Variants in TBC1D9 observed in about 807,000 individuals in gnomAD.
TBC1D9 encodes TBC1 domain family member 9A.
A neutral mutation model predicts 132.0 loss-of-function variants in TBC1D9; 63 were observed. That is an observed-to-expected ratio of 0.48 (90% confidence interval 0.39 to 0.59). TBC1D9 has a LOEUF of 0.59. Among genes scored for constraint, TBC1D9 ranks in the 20% least tolerant of loss-of-function variants. The probability of loss-of-function intolerance (pLI) is 0.00; values close to 1 mark genes in which losing one functional copy is unlikely to be tolerated. For synonymous variants in TBC1D9, 610 were observed against 609.9 expected, an observed-to-expected ratio of 1.00 and a Z score of 0.00; for missense variants, 1,261 against 1,592.7, an observed-to-expected ratio of 0.79 and a Z score of 3.54.
chr4:140,641,105 C>CAAAAAAAAAAAAAAAAAA (rs1038335139), intron 13 of TBC1D9, among the ~76,000 whole-genome samples: 5 of 59,780 alleles, frequency 8.4e-5, no homozygotes, highest in Non-Finnish European at 1.2e-4. Context: ...AAAAAAAAAA[C>CAAAAAAAAAAAAAAAAAA]AAAAAAAAAC....
intron 1 of TBC1D9, among the ~76,000 whole-genome samples, chr4:140,715,041 G>A (rs1279294415): frequency 6.6e-6 from 1 of 152,138 alleles, no homozygotes; most frequent in African/African-American, 2.4e-5. Flanking sequence ...AGGATTTTTT[G>A]AGGCCAGGAG....
At chr4:140,691,939 T>C (rs1268077573) in intron 2 of TBC1D9, among the ~76,000 whole-genome samples, 1 of 152,222 alleles carries the variant, frequency 6.6e-6, no homozygotes, top group Non-Finnish European at 1.5e-5. Flanking sequence ...CTATCACTTC[T>C]GGCCTCTGAG....
At position 140,690,474 on chromosome 4, in the gene TBC1D9, CT is replaced by C. The variant is rs1223912184; in HGVS notation, c.242-4013del. On this transcript the variant is annotated intron_variant, in intron 2 of 20. Transcript: ENST00000442267. ...AGCACTAGCCCCAAACCTATTGCTTCTGCTTGTGCTGTTTTTGTTCTGTCCT... is the reference window on the plus strand; with the variant it reads ...AGCACTAGCCCCAAACCTATTGCTTCGCTTGTGCTGTTTTTGTTCTGTCCT... Among the ~76,000 whole-genome samples the C allele has an allele frequency of 7.9e-5, 12 of 152,222 alleles. No individual in the cohort carries two copies. The East Asian group carries it at 2.1e-3, about 27-fold the overall frequency.
intron 1 of TBC1D9, among the ~76,000 whole-genome samples, chr4:140,709,302 T>C (rs899720340): frequency 4.8e-5 from 7 of 146,146 alleles, no homozygotes; most frequent in Middle Eastern, 6.9e-3. Context: ...CAATTCATCA[T>C]TGTTCGTCAA....
chr4:140,719,968 T>C (rs1466672769), intron 1 of TBC1D9, among the ~76,000 whole-genome samples: 1 of 152,198 alleles, frequency 6.6e-6, no homozygotes, highest in African/African-American at 2.4e-5. Context: ...GCAAGCTATA[T>C]AACTGATAAA....
chr4:140,638,821 A>G (rs1025972059), intron 15 of TBC1D9, among the ~76,000 whole-genome samples: 4 of 152,210 alleles, frequency 2.6e-5, no homozygotes, highest in South Asian at 2.1e-4. Context: ...ATTGTTTTTA[A>G]TAAGTATTAT....
At chr4:140,655,751 G>A (rs1263784816) in intron 13 of TBC1D9, among the ~76,000 whole-genome samples, 2 of 152,078 alleles carry the variant, frequency 1.3e-5, no homozygotes, top group Non-Finnish European at 2.9e-5. Flanking sequence ...GGACAAGAAA[G>A]CATCCTCCCC....
In TBC1D9 at chr4:140,644,374, G is replaced by A. The variant is rs957524980; in HGVS notation, c.2338-4946C>T. On this transcript the variant is annotated intron_variant, in intron 13 of 20. Coordinates refer to ENST00000442267, the MANE Select transcript of TBC1D9 (RefSeq NM_015130.3). ...GGGGTAGCAGGGTAGGTGTAGGCAG[G>A]CGCCTTGGACACGTCCTCCAGCGGC... is the stretch of plus-strand genomic sequence containing the variant. 1.4e-5 allele frequency: 4 copies of A among 282,350 alleles called. 1 individual carries two copies. In the South Asian group the frequency reaches 1.5e-4, roughly 10 times the overall value. The allele number at this position is 282,350 out of a possible 1,614,324, so 17.5% of individuals were successfully genotyped here.
chr4:140,655,762 C>A (rs545655325), intron 13 of TBC1D9, among the ~76,000 whole-genome samples: 47 of 152,270 alleles, frequency 3.1e-4, no homozygotes, highest in African/African-American at 1.0e-3. Flanking sequence ...CATCCTCCCC[C>A]ATCCAAGCCA....
intron 1 of TBC1D9, among the ~76,000 whole-genome samples, chr4:140,708,269 G>A (rs1738177964): frequency 6.6e-6 from 1 of 152,128 alleles, no homozygotes; most frequent in African/African-American, 2.4e-5. Context: ...GACTTGAGAA[G>A]GCAGCTAAAA....
chr4:140,654,608 C>T (rs1298091785), intron 13 of TBC1D9, among the ~76,000 whole-genome samples: 1 of 152,126 alleles, frequency 6.6e-6, no homozygotes, highest in Non-Finnish European at 1.5e-5. Flanking sequence ...AGAAAAGCAA[C>T]CCACAGATAG....
chr4:140,698,556 T>G (rs558304786), intron 2 of TBC1D9, among the ~76,000 whole-genome samples: 1 of 152,256 alleles, frequency 6.6e-6, no homozygotes, highest in Admixed American at 6.5e-5. Flanking sequence ...GAGACCAGCC[T>G]GACCAACATG....
intron 13 of TBC1D9, among the ~76,000 whole-genome samples, chr4:140,649,284 G>A (rs1475215087): frequency 1.3e-5 from 2 of 152,208 alleles, no homozygotes; most frequent in Non-Finnish European, 2.9e-5. Flanking sequence ...AATATGCAAA[G>A]TCTATGGCTT....
chr4:140,753,070 G>C (rs150994754), intron 1 of TBC1D9, among the ~76,000 whole-genome samples: 1 of 152,174 alleles, frequency 6.6e-6, no homozygotes, highest in East Asian at 1.9e-4. Flanking sequence ...CTAAGCTCAA[G>C]CGTCACTTCC....
At chr4:140,633,095 TA>T (rs1216542932) in intron 16 of TBC1D9, among the ~76,000 whole-genome samples, 2 of 152,230 alleles carry the variant, frequency 1.3e-5, no homozygotes, top group Non-Finnish European at 2.9e-5. Context: ...CTTCTAGATA[TA>T]ACTCTCACAG....
intron 1 of TBC1D9, among the ~76,000 whole-genome samples, chr4:140,742,352 T>C (rs1422733488): frequency 6.6e-6 from 1 of 151,660 alleles, no homozygotes; most frequent in Non-Finnish European, 1.5e-5. Flanking sequence ...GCCAATATGG[T>C]GAAACCCCGT....
rs190153862 is a variant in TBC1D9 at position 140,624,336 on chromosome 4, C to G, written c.2952G>C (p.Thr984=). The G allele has an allele frequency of 3.1e-6, 5 of 1,613,600 alleles. No individual in the cohort carries two copies. The highest frequency in any genetic ancestry group is 4.2e-6 in the Non-Finnish European group (5 of 1,179,808). Residue 984 remains threonine (T), a synonymous_variant, in exon 19 of 21, where the codon ACG becomes ACC. Coordinates refer to ENST00000442267, the MANE Select transcript of TBC1D9 (RefSeq NM_015130.3). ...TACCTTTGTCTGGCTTTAGGCTCACCGTAACAAAGCCATCATCTGCACCCT... is the reference window on the plus strand; with the variant it reads ...TACCTTTGTCTGGCTTTAGGCTCACGGTAACAAAGCCATCATCTGCACCCT... ...SKQGADDGFV[T]VSLKPDKGKR...
chr4:140,655,826 T>C (rs988908177), intron 13 of TBC1D9, among the ~76,000 whole-genome samples: 2 of 152,212 alleles, frequency 1.3e-5, no homozygotes, highest in African/African-American at 4.8e-5. Flanking sequence ...ATACAGGCTA[T>C]ACTAAGTGTC....
chr4:140,642,012 T>C, intron 13 of TBC1D9: 1 of 636,732 alleles, frequency 1.6e-6, no homozygotes, highest in East Asian at 2.8e-5. Context: ...CCTTAGCCTC[T>C]CGAAGCAGCA....
Sources: gnomAD v4.1 joint callset for allele counts (sites outside exome capture counted in the v4.1 genomes callset) on GRCh38, gnomAD v4.1.1 for gene constraint, MANE v1.5 for transcripts, NCBI Gene and HGNC (gene_info 2026-07-23, HGNC 2026-07-21) for gene names.